The following ATXN7L1 variants were observed in gnomAD, a reference collection of about 807,000 sequenced individuals.
ATXN7L1 encodes ataxin 7 like 1, also known as ataxin-7-like protein 1.
ATXN7L1 carries 15 observed loss-of-function variants against 70.8 expected under a neutral mutation model. That is an observed-to-expected ratio of 0.21 (90% CI 0.14 to 0.33). The LOEUF is 0.33. Among genes scored for constraint, ATXN7L1 ranks in the 10% least tolerant of loss-of-function variants. ATXN7L1 has a pLI of 1.00. For missense variants in ATXN7L1, 975 were observed against 1,097.1 expected (o/e 0.89, Z 1.57); for synonymous variants, 440 against 445.1 (o/e 0.99, Z 0.14).
At chr7:105,682,177 A>G (rs1187130134) in intron 3 of ATXN7L1, among the ~76,000 whole-genome samples, 1 of 152,120 alleles carries the variant, frequency 6.6e-6, no homozygotes, top group East Asian at 1.9e-4. Context: ...GTAAGCCGAG[A>G]TCACTGTACT....
At chr7:105,803,353 G>A (rs1807097976) in intron 2 of ATXN7L1, among the ~76,000 whole-genome samples, 1 of 152,372 alleles carries the variant, frequency 6.6e-6, no homozygotes, top group South Asian at 2.1e-4. Context: ...AGCGTGGCCT[G>A]CTGGGACCCC....
intron 2 of ATXN7L1, among the ~76,000 whole-genome samples, chr7:105,829,845 T>G (rs1232553695): frequency 1.3e-5 from 2 of 152,230 alleles, no homozygotes; most frequent in African/African-American, 4.8e-5. Flanking sequence ...TACAGGGACC[T>G]TCTCTGGAAA....
chr7:105,625,346 G>A (rs1795541844), intron 7 of ATXN7L1, among the ~76,000 whole-genome samples: 1 of 152,136 alleles, frequency 6.6e-6, no homozygotes, highest in Non-Finnish European at 1.5e-5. Context: ...TGCCTCCCAG[G>A]TTGAAGCAAT....
intron 3 of ATXN7L1, among the ~76,000 whole-genome samples, chr7:105,703,084 C>CCAGCCTGGG (rs1164289631): frequency 6.6e-6 from 1 of 152,122 alleles, no homozygotes. Flanking sequence ...CCACTGCACT[C>CCAGCCTGGG]CAGCCTGGGC....
At chr7:105,648,593 A>G (rs1426145466) in intron 4 of ATXN7L1, among the ~76,000 whole-genome samples, 3 of 152,154 alleles carry the variant, frequency 2.0e-5, no homozygotes, top group African/African-American at 7.2e-5. Flanking sequence ...GCCTATTAAG[A>G]GCCCCACCCC....
chr7:105,641,264 A>G (rs1354822448), intron 5 of ATXN7L1, among the ~76,000 whole-genome samples: 2 of 101,866 alleles, frequency 2.0e-5, no homozygotes, highest in Non-Finnish European at 3.7e-5. Context: ...TAGAAAAAAA[A>G]CCTGCTAGGC....
At chr7:105,769,131 G>C (rs1304115249) in intron 3 of ATXN7L1, among the ~76,000 whole-genome samples, 1 of 152,202 alleles carries the variant, frequency 6.6e-6, no homozygotes, top group African/African-American at 2.4e-5. Flanking sequence ...TTACTGAGTT[G>C]TTATGAAAAT....
intron 2 of ATXN7L1, among the ~76,000 whole-genome samples, chr7:105,852,560 A>T (rs1407526200): frequency 6.6e-6 from 1 of 152,096 alleles, no homozygotes; most frequent in Admixed American, 6.6e-5. Context: ...TGGCAAGCAG[A>T]GTGCCAGCTT....
chr7:105,683,180 A>C (rs529063007), intron 3 of ATXN7L1, among the ~76,000 whole-genome samples: 1 of 152,344 alleles, frequency 6.6e-6, no homozygotes, highest in South Asian at 2.1e-4. Context: ...AGAAGTGTTA[A>C]TTTGTCTTAA....
intron 9 of ATXN7L1, among the ~76,000 whole-genome samples, chr7:105,615,576 T>A (rs986197725): frequency 1.3e-5 from 2 of 152,238 alleles, no homozygotes; most frequent in African/African-American, 4.8e-5. Context: ...CAGCCCATTC[T>A]ACCTTAGCTC....
intron 2 of ATXN7L1, among the ~76,000 whole-genome samples, chr7:105,860,243 C>T (rs1280727109): frequency 6.9e-6 from 1 of 145,336 alleles, no homozygotes; most frequent in Non-Finnish European, 1.5e-5. Flanking sequence ...CCTTTTTATA[C>T]ATGTGAAAAA....
At chr7:105,786,157 C>T (rs1804269335) in intron 3 of ATXN7L1, among the ~76,000 whole-genome samples, 1 of 152,172 alleles carries the variant, frequency 6.6e-6, no homozygotes, top group South Asian at 2.1e-4. Context: ...GTGATCATGT[C>T]CCCATTGCTG....
At chr7:105,618,668 G>A (rs1008010040) in intron 9 of ATXN7L1, among the ~76,000 whole-genome samples, 1 of 152,170 alleles carries the variant, frequency 6.6e-6, no homozygotes, top group Non-Finnish European at 1.5e-5. Context: ...TCAGTGGGCA[G>A]CTGGGGGGCC....
At chr7:105,828,072 C>A (rs1168428740) in intron 2 of ATXN7L1, among the ~76,000 whole-genome samples, 1 of 151,912 alleles carries the variant, frequency 6.6e-6, no homozygotes, top group Non-Finnish European at 1.5e-5. Flanking sequence ...AATTTTTATC[C>A]CTATTTGATA....
chr7:105,870,930 T>C (rs937285016), intron 2 of ATXN7L1, among the ~76,000 whole-genome samples: 2 of 152,224 alleles, frequency 1.3e-5, no homozygotes, highest in South Asian at 2.1e-4. Context: ...TTTCTCGGAA[T>C]GCTGAAGGCC....
At chr7:105,739,424 C>T (rs1797769803) in intron 3 of ATXN7L1, among the ~76,000 whole-genome samples, 1 of 152,230 alleles carries the variant, frequency 6.6e-6, no homozygotes. Context: ...TCAGGCCCAC[C>T]TCCATAGACT....
intron 3 of ATXN7L1, chr7:105,760,896 A>G (rs1800448971): frequency 6.3e-6 from 1 of 159,100 alleles, no homozygotes. Flanking sequence ...ACTGGAATAT[A>G]GACAATGAAA....
At chr7:105,798,462 A>C (rs1187684255) in intron 2 of ATXN7L1, among the ~76,000 whole-genome samples, 2 of 152,230 alleles carry the variant, frequency 1.3e-5, no homozygotes, top group Non-Finnish European at 2.9e-5. Flanking sequence ...GCCAGCATGC[A>C]GGGGGCTAAC....
chr7:105,764,587 T>C (rs1800998817), intron 3 of ATXN7L1, among the ~76,000 whole-genome samples: 1 of 152,222 alleles, frequency 6.6e-6, no homozygotes, highest in Admixed American at 6.5e-5. Flanking sequence ...AGCTATTGAC[T>C]GAATACCCAC....
Sources: gnomAD v4.1 joint callset for allele counts (sites outside exome capture counted in the v4.1 genomes callset) on GRCh38, gnomAD v4.1.1 for gene constraint, MANE v1.5 for transcripts, NCBI Gene and HGNC (gene_info 2026-07-23, HGNC 2026-07-21) for gene names.